Variants in SLC39A9 observed in about 807,000 individuals in gnomAD.
The protein encoded by SLC39A9 is solute carrier family 39 member 9.
Under a neutral mutation model 28.4 loss-of-function variants are expected in SLC39A9, and 14 were observed. The observed-to-expected ratio is 0.49, with a 90% CI of 0.33 to 0.77. The LOEUF is 0.77. Among genes scored for constraint, SLC39A9 ranks in the 30% least tolerant of loss-of-function variants. The pLI is 0.02. For missense variants in SLC39A9, 283 were observed against 381.1 expected (o/e 0.74, Z 2.14); for synonymous variants, 119 against 149.6 (o/e 0.80, Z 1.49).
intron 1 of SLC39A9, among the ~76,000 whole-genome samples, chr14:69,403,712 C>G (rs1333926038): frequency 6.6e-6 from 1 of 152,148 alleles, no homozygotes; most frequent in East Asian, 1.9e-4. Context: ...TTATTGCAGA[C>G]CAGTTTGAGT....
At chr14:69,417,972 C>G (rs1451554301) in intron 1 of SLC39A9, among the ~76,000 whole-genome samples, 1 of 151,970 alleles carries the variant, frequency 6.6e-6, no homozygotes, top group Non-Finnish European at 1.5e-5. Context: ...TTTCTCTTGC[C>G]TAATTGTCCT....
rs1199547161 is a variant in SLC39A9, at chr14:69,459,261, T to C, written c.*668T>C. 1 of 985,440 alleles carries C rather than the reference T, an allele frequency of 1.0e-6. No individual in the cohort carries two copies. Among genetic ancestry groups the C allele is most frequent in the East Asian group, 1.1e-4 (1 of 8,814 alleles). The allele number at this position is 985,440 out of a possible 1,614,324, so 61.0% of individuals were successfully genotyped here. On this transcript the variant is annotated 3_prime_UTR_variant, in exon 7 of 7. Transcript: ENST00000336643. ...GGCACGTGCCTCTCTGAATCCAGCC[T>C]GCCATTCCATCAAATGGAGCAGGAG...
intron 2 of SLC39A9, among the ~76,000 whole-genome samples, chr14:69,433,038 A>G (rs1376284181): frequency 2.6e-5 from 4 of 152,080 alleles, no homozygotes; most frequent in Admixed American, 2.6e-4. Context: ...TTCCATATGA[A>G]TTTTAGAATA....
chr14:69,429,106 C>T (rs891671467), intron 2 of SLC39A9: 2 of 152,100 alleles, frequency 1.3e-5, no homozygotes, highest in Non-Finnish European at 2.9e-5. Context: ...ATAAAGGGTA[C>T]CCATTTTTCT....
chr14:69,442,065 C>G lies in SLC39A9; in HGVS notation c.206-4C>G. ...TTTTCTCTTTATGGTTTATTCTGCT[C>G]TAGGAAAACACCACCAAGCAAGTGA... On this transcript the variant is annotated splice_region_variant and splice_polypyrimidine_tract_variant and intron_variant, in intron 2 of 6. Transcript: ENST00000336643. 2 of 1,613,694 alleles carry G rather than the reference C, an allele frequency of 1.2e-6. No homozygotes were observed. The highest frequency in any genetic ancestry group is 2.2e-5 in the South Asian group (2 of 91,010).
At chr14:69,419,075 T>C (rs1048136644) in intron 1 of SLC39A9, among the ~76,000 whole-genome samples, 3 of 152,206 alleles carry the variant, frequency 2.0e-5, no homozygotes, top group Non-Finnish European at 4.4e-5. Flanking sequence ...CTTGCTTCTC[T>C]AGTTCTTTTG....
At chr14:69,399,553 A>T in intron 1 of SLC39A9, 88 bp downstream of exon 1, 1 of 979,366 alleles carries the variant, frequency 1.0e-6, no homozygotes, top group South Asian at 1.4e-5. Flanking sequence ...CCCTAGTTAA[A>T]TCTCAAAGCT....
intron 2 of SLC39A9, among the ~76,000 whole-genome samples, chr14:69,441,477 C>G (rs1261855031): frequency 6.6e-6 from 1 of 152,152 alleles, no homozygotes; most frequent in East Asian, 1.9e-4. Context: ...TTCAGAGTCT[C>G]CCAACCTCCA....
intron 1 of SLC39A9, among the ~76,000 whole-genome samples, chr14:69,402,567 A>G (rs1207643126): frequency 6.6e-6 from 1 of 152,016 alleles, no homozygotes; most frequent in Non-Finnish European, 1.5e-5. Flanking sequence ...TTTATGTGAC[A>G]TTGATTTCTC....
intron 1 of SLC39A9, among the ~76,000 whole-genome samples, chr14:69,418,317 A>G (rs571613904): frequency 3.3e-5 from 5 of 150,144 alleles, no homozygotes; most frequent in East Asian, 2.0e-4. Flanking sequence ...GATGAAGTCA[A>G]CTTGGTCTTG....
At chr14:69,421,764 T>C (rs1416465148) in intron 1 of SLC39A9, among the ~76,000 whole-genome samples, 1 of 152,198 alleles carries the variant, frequency 6.6e-6, no homozygotes, top group Non-Finnish European at 1.5e-5. Context: ...CTTGGACTGC[T>C]GCGCTAGCAG....
intron 2 of SLC39A9, among the ~76,000 whole-genome samples, chr14:69,437,159 G>A (rs971173205): frequency 8.5e-5 from 13 of 152,084 alleles, no homozygotes; most frequent in African/African-American, 2.9e-4. Context: ...GAGCCACCGC[G>A]CCCGGCCTGG....
intron 3 of SLC39A9, among the ~76,000 whole-genome samples, chr14:69,448,077 T>C (rs1885423198): frequency 6.6e-6 from 1 of 151,550 alleles, no homozygotes; most frequent in African/African-American, 2.4e-5. Context: ...TAGCCAGGCG[T>C]GTTGGCGGGC....
chr14:69,409,606 G>T (rs1883155424), intron 1 of SLC39A9, among the ~76,000 whole-genome samples: 1 of 152,160 alleles, frequency 6.6e-6, no homozygotes. Context: ...CTCCCAAAGT[G>T]CTGGGATTGC....
rs1885784273 is a variant in SLC39A9, at chr14:69,454,813, T to C, written c.474T>C (p.Ala158=). The part of the protein sequence containing the change: ...TTLGLVVHAA[A]DGVALGAAAS... ...ATGTTTCCTTGTTTCCAAATATAGC[T>C]GATGGTGTTGCTTTGGGAGCAGCAG... Residue 158 remains alanine (A), a splice_region_variant and synonymous_variant, in exon 5 of 7, where the codon GCT becomes GCC. Coordinates refer to ENST00000336643, the MANE Select transcript of SLC39A9 (RefSeq NM_018375.5). 6 of 1,613,098 alleles carry C rather than the reference T, an allele frequency of 3.7e-6. No homozygotes were observed. The highest frequency in any genetic ancestry group is 5.1e-6 in the Non-Finnish European group (6 of 1,179,222).
intron 2 of SLC39A9, among the ~76,000 whole-genome samples, chr14:69,428,018 C>T (rs1476777771): frequency 6.6e-6 from 1 of 152,168 alleles, no homozygotes; most frequent in African/African-American, 2.4e-5. Flanking sequence ...TGGTGGCTCA[C>T]GCCTATAATC....
chr14:69,399,280 A>G lies in SLC39A9; in HGVS notation c.-90A>G, dbSNP rs1882487082. 8.7e-7 allele frequency: 1 copy of G among 1,151,158 alleles called. No homozygotes were observed. Among genetic ancestry groups the G allele is most frequent in the Non-Finnish European group, 1.3e-6 (1 of 781,460 alleles). 71.3% of individuals were successfully genotyped at this position (1,151,158 alleles called of 1,614,324 possible). On this transcript the variant is annotated 5_prime_UTR_variant, in exon 1 of 7. Transcript: ENST00000336643. ...GAACTGGAAAGCCCACTCTCTTGGA[A>G]CCACCACACCTGTTTAAAGAACCTA...
At chr14:69,410,813 A>T (rs534768089) in intron 1 of SLC39A9, among the ~76,000 whole-genome samples, 1 of 152,048 alleles carries the variant, frequency 6.6e-6, no homozygotes, top group East Asian at 1.9e-4. Context: ...ATGATAAGAG[A>T]TGTACCTTTG....
chr14:69,413,095 G>A (rs568701160), intron 1 of SLC39A9, among the ~76,000 whole-genome samples: 4 of 152,252 alleles, frequency 2.6e-5, no homozygotes, highest in African/African-American at 7.2e-5. Flanking sequence ...AGTGGCTCAC[G>A]CCTGTAATCC....
Sources: allele counts gnomAD v4.1 joint callset (sites outside exome capture counted in the v4.1 genomes callset), GRCh38; gene constraint gnomAD v4.1.1; transcripts MANE v1.5; gene names NCBI Gene and HGNC (gene_info 2026-07-23, HGNC 2026-07-21).